UBQLN1: variants seen among roughly 807,000 people sequenced by gnomAD.
UBQLN1 encodes the protein ubiquilin-1.
UBQLN1 carries 13 observed loss-of-function variants against 65.4 expected under a neutral mutation model. That is an observed-to-expected ratio of 0.20 (90% confidence interval 0.13 to 0.32). UBQLN1 has a LOEUF of 0.32. Ranked by LOEUF, UBQLN1 falls within the 10% of genes least tolerant of loss-of-function variation. The pLI, the probability that UBQLN1 is intolerant of heterozygous loss-of-function variation, is 1.00. For synonymous variants in UBQLN1, 267 were observed against 247.8 expected (o/e 1.08, Z -0.73); for missense variants, 561 against 724.0 (o/e 0.77, Z 2.58).
At chr9:83,687,054 T>C (rs1587653997) in intron 1 of UBQLN1, among the ~76,000 whole-genome samples, 1 of 151,988 alleles carries the variant, frequency 6.6e-6, no homozygotes, top group South Asian at 2.1e-4. Flanking sequence ...CTTTATTCAA[T>C]ATTTATTAAC....
rs1310859176 is a variant in UBQLN1, at chr9:83,659,986, ATTG to A, written c.*1798_*1800del. ...AATCAAGTGTAAAAGCTAGAGATTTATTGTTATTTTATGATTAATAAATTGTCA... is the reference window on the plus strand; with the variant it reads ...AATCAAGTGTAAAAGCTAGAGATTTATTATTTTATGATTAATAAATTGTCA... On this transcript the variant is annotated 3_prime_UTR_variant, in exon 11 of 11. Coordinates refer to ENST00000376395, the MANE Select transcript of UBQLN1 (RefSeq NM_013438.5). The A allele has an allele frequency of 7.9e-5, 12 of 152,234 alleles. No homozygotes were observed. Among genetic ancestry groups the A allele is most frequent in the African/African-American group, 1.2e-4 (5 of 41,466 alleles). 9.4% of individuals were successfully genotyped at this position (152,234 alleles called of 1,614,324 possible).
rs575434934 is a variant in UBQLN1, at chr9:83,700,598, C to A, written c.180+6902G>T. ...ACAGGGGATCCCAATCCAGTCTGGA[C>A]AATCAGAAATAGATACTACCTGGAG... On this transcript the variant is annotated intron_variant, in intron 1 of 10. Coordinates refer to ENST00000376395, the MANE Select transcript of UBQLN1 (RefSeq NM_013438.5). 7.9e-5 allele frequency among the ~76,000 whole-genome samples: 12 copies of A among 152,164 alleles called. No homozygotes were observed. In the South Asian group the frequency reaches 2.5e-3, roughly 32 times the overall value.
At chr9:83,662,301 C>CAG (rs1831573977) in intron 10 of UBQLN1, among the ~76,000 whole-genome samples, 1 of 150,246 alleles carries the variant, frequency 6.7e-6, no homozygotes, top group Admixed American at 6.7e-5. Context: ...CACACACACA[C>CAG]ACACACACAC....
At chr9:83,707,091 A>G (rs940450109) in intron 1 of UBQLN1, among the ~76,000 whole-genome samples, 1 of 152,110 alleles carries the variant, frequency 6.6e-6, no homozygotes, top group Non-Finnish European at 1.5e-5. Flanking sequence ...TTTTTAATTC[A>G]TGAAACAAAA....
rs980817399 is a variant in UBQLN1, at chr9:83,707,847, A to T, written c.-168T>A. 1 of 1,010,418 alleles carries T rather than the reference A, an allele frequency of 9.9e-7. No homozygotes were observed. The highest frequency in any genetic ancestry group is 1.7e-5 in the African/African-American group (1 of 57,950). 62.6% of individuals were successfully genotyped at this position (1,010,418 alleles called of 1,614,324 possible). On this transcript the variant is annotated 5_prime_UTR_variant, in exon 1 of 11. Transcript: ENST00000376395. ...CACCGTAGCGGGTGTGGGGCCCCGG[A>T]GCTCGGTGCAGGCTCTGGCGCAGGC...
intron 1 of UBQLN1, among the ~76,000 whole-genome samples, chr9:83,706,525 T>C (rs1832409754): frequency 6.6e-6 from 1 of 152,248 alleles, no homozygotes; most frequent in Non-Finnish European, 1.5e-5. Flanking sequence ...CTGGGGAAAC[T>C]GATAGGTACA....
chr9:83,690,526 ATACTG>A (rs1832109498), intron 1 of UBQLN1, among the ~76,000 whole-genome samples: 2 of 152,146 alleles, frequency 1.3e-5, no homozygotes, highest in African/African-American at 4.8e-5. Context: ...GTATTCCTCT[ATACTG>A]TACTTTAATA....
intron 4 of UBQLN1, among the ~76,000 whole-genome samples, 169 bp from the exon 5 acceptor site, chr9:83,678,768 G>A (rs1302673225): frequency 6.6e-6 from 1 of 152,006 alleles, no homozygotes; most frequent in Non-Finnish European, 1.5e-5. Flanking sequence ...CCAGGCTGGA[G>A]TGCAGTGGCA....
In UBQLN1 at chr9:83,676,710, C is replaced by T. The variant is rs560696489; in HGVS notation, c.1105+1017G>A. The stretch of plus-strand genomic sequence containing the variant: ...CAATGAATTTTTAAAAATTCTTCAT[C>T]CAGCACCTCATCTTTCCACTTCCTC... On this transcript the variant is annotated intron_variant, in intron 6 of 10. Coordinates refer to ENST00000376395, the MANE Select transcript of UBQLN1 (RefSeq NM_013438.5). Among the ~76,000 whole-genome samples, 3 of 152,276 alleles carry T rather than the reference C, an allele frequency of 2.0e-5. No homozygotes were observed. The East Asian group carries it at 5.8e-4, about 29-fold the overall frequency.
At chr9:83,706,273 T>G (rs1244273660) in intron 1 of UBQLN1, among the ~76,000 whole-genome samples, 1 of 152,210 alleles carries the variant, frequency 6.6e-6, no homozygotes, top group Non-Finnish European at 1.5e-5. Context: ...TATAATACCG[T>G]AAAATGCTAA....
chr9:83,695,117 A>G (rs1269028792), intron 1 of UBQLN1, among the ~76,000 whole-genome samples: 2 of 152,018 alleles, frequency 1.3e-5, no homozygotes, highest in Non-Finnish European at 2.9e-5. Context: ...ATTATATATG[A>G]ACATATAAAT....
intron 9 of UBQLN1, 109 bp from the exon 10 acceptor site, chr9:83,664,152 C>A: frequency 7.8e-7 from 1 of 1,278,034 alleles, no homozygotes. Flanking sequence ...AAAATAAGCC[C>A]TTTTGGCCTG....
chr9:83,664,002 G>C lies in UBQLN1; in HGVS notation c.1490C>G (p.Ser497Cys). ...GGCGTTAGATCCATTAGTTCCCGAA[G>C]AGCCTCCAGTGCTTCCTAATGCCCC... is the stretch of plus-strand genomic sequence containing the variant. Reference protein sequence around the residue: ...GLGALGSTGGSSGTNGSNATP... With the variant: ...GLGALGSTGGCSGTNGSNATP... The change falls in exon 10 of 11, where the codon TCT (serine) becomes TGT (cysteine). Residue 497 changes from serine to cysteine, a missense_variant. Physicochemically the swap from Ser to Cys is moderately radical, Grantham distance 112. Transcript: ENST00000376395. The C allele has an allele frequency of 6.2e-7, 1 of 1,614,160 alleles. No individual in the cohort carries two copies. The highest frequency in any genetic ancestry group is 8.5e-7 in the Non-Finnish European group (1 of 1,180,008).
At chr9:83,704,105 T>A (rs1368926535) in intron 1 of UBQLN1, among the ~76,000 whole-genome samples, 2 of 152,222 alleles carry the variant, frequency 1.3e-5, no homozygotes, top group Non-Finnish European at 2.9e-5. Flanking sequence ...GGTCTTCGGC[T>A]TACCCTCTGA....
chr9:83,705,563 T>C (rs556016979), intron 1 of UBQLN1, among the ~76,000 whole-genome samples: 112 of 152,322 alleles, frequency 7.4e-4, no homozygotes, highest in African/African-American at 2.3e-3. Flanking sequence ...TTTTAAAACA[T>C]AGTTTCTCAC....
intron 1 of UBQLN1, among the ~76,000 whole-genome samples, chr9:83,700,761 G>T (rs1320152262): frequency 2.6e-5 from 4 of 152,184 alleles, no homozygotes; most frequent in Non-Finnish European, 5.9e-5. Context: ...GAACTAGAAG[G>T]TCAATGTAGT....
chr9:83,661,461 C>T lies in UBQLN1; in HGVS notation c.*326G>A, dbSNP rs540475017. On this transcript the variant is annotated 3_prime_UTR_variant, in exon 11 of 11. Coordinates refer to ENST00000376395, the MANE Select transcript of UBQLN1 (RefSeq NM_013438.5). The stretch of plus-strand genomic sequence containing the variant: ...TAATGCTTTTATTCTACATAAATTA[C>T]TACCATAGGCTAATGTTTAAAAAGC... The T allele has an allele frequency of 5.1e-5, 10 of 197,370 alleles. No individual in the cohort carries two copies. The highest frequency in any genetic ancestry group is 1.2e-4 in the East Asian group (1 of 8,004). 12.2% of individuals were successfully genotyped at this position (197,370 alleles called of 1,614,324 possible).
At chr9:83,683,820 A>G (rs1831991766) in intron 2 of UBQLN1, among the ~76,000 whole-genome samples, 1 of 152,138 alleles carries the variant, frequency 6.6e-6, no homozygotes, top group African/African-American at 2.4e-5. Context: ...TCAGGAGTTC[A>G]AGACCAGTCT....
chr9:83,693,024 C>T (rs4877798), intron 1 of UBQLN1, among the ~76,000 whole-genome samples: 107,053 of 152,046 alleles, frequency 0.7, 38,551 homozygotes, highest in East Asian at 0.88. Flanking sequence ...CATGATAGAA[C>T]GGGCCTCAAA....
Sources: gnomAD v4.1 joint callset for allele counts (sites outside exome capture counted in the v4.1 genomes callset) on GRCh38, gnomAD v4.1.1 for gene constraint, MANE v1.5 for transcripts, NCBI Gene and HGNC (gene_info 2026-07-23, HGNC 2026-07-21) for gene names.